Variants in SH3RF2 observed in about 807,000 individuals in gnomAD.
SH3RF2 encodes the protein SH3 domain containing ring finger 2.
A neutral mutation model predicts 59.0 loss-of-function variants in SH3RF2; 43 were observed. That is an observed-to-expected ratio of 0.73 (90% CI 0.57 to 0.94). SH3RF2 has a LOEUF of 0.94. Ranked by LOEUF, SH3RF2 falls within the 40% of genes least tolerant of loss-of-function variation. SH3RF2 has a pLI of 0.00. For missense variants in SH3RF2, 930 were observed against 940.1 expected (o/e 0.99, Z 0.14); for synonymous variants, 391 against 391.5 (o/e 1.00, Z 0.01).
At chr5:146,006,972 G>C (rs184416217) in intron 4 of SH3RF2, among the ~76,000 whole-genome samples, 6 of 152,130 alleles carry the variant, frequency 3.9e-5, no homozygotes, top group Admixed American at 6.5e-5. Flanking sequence ...TAAATGCCTC[G>C]TTTCAGAAGT....
At chr5:146,006,577 A>G (rs1760655644) in intron 4 of SH3RF2, among the ~76,000 whole-genome samples, 2 of 152,160 alleles carry the variant, frequency 1.3e-5, no homozygotes, top group South Asian at 4.1e-4. Flanking sequence ...GTCCTGCATG[A>G]TGAGGAAATG....
At chr5:145,995,575 C>G (rs1760117579) in intron 2 of SH3RF2, among the ~76,000 whole-genome samples, 1 of 152,156 alleles carries the variant, frequency 6.6e-6, no homozygotes, top group South Asian at 2.1e-4. Flanking sequence ...ATACCTTTTA[C>G]CTCTCATCCA....
chr5:146,054,745 C>T (rs1292276396), intron 7 of SH3RF2, among the ~76,000 whole-genome samples: 1 of 152,138 alleles, frequency 6.6e-6, no homozygotes, highest in Non-Finnish European at 1.5e-5. Flanking sequence ...CTACATATTA[C>T]TTTGTCAATC....
At chr5:146,018,610 T>C (rs1200396509) in intron 5 of SH3RF2, among the ~76,000 whole-genome samples, 1 of 152,170 alleles carries the variant, frequency 6.6e-6, no homozygotes, top group Non-Finnish European at 1.5e-5. Flanking sequence ...ATGCACGCAG[T>C]TGTCTTTTTG....
At chr5:146,034,234 AGAGT>A (rs1408363840) in intron 5 of SH3RF2, among the ~76,000 whole-genome samples, 1 of 152,222 alleles carries the variant, frequency 6.6e-6, no homozygotes, top group Non-Finnish European at 1.5e-5. Flanking sequence ...AGTGCTCTGA[AGAGT>A]GAGCTGCATT....
intron 2 of SH3RF2, chr5:145,997,189 A>T: frequency 1.3e-6 from 1 of 768,540 alleles, no homozygotes; most frequent in Non-Finnish European, 2.3e-6. Context: ...TACCATTGTC[A>T]ATGTCTCAGA....
At chr5:146,040,511 G>A (rs1035135185) in intron 5 of SH3RF2, among the ~76,000 whole-genome samples, 11 of 152,004 alleles carry the variant, frequency 7.2e-5, no homozygotes, top group Non-Finnish European at 1.2e-4. Context: ...AGAAAGGTGA[G>A]GCTGGAGAGC....
chr5:146,014,186 C>A, intron 5 of SH3RF2, 125 bp downstream of exon 5: 1 of 892,938 alleles, frequency 1.1e-6, no homozygotes, highest in Non-Finnish European at 1.7e-6. Context: ...GTAACTAATG[C>A]CATATGTATT....
intron 2 of SH3RF2, among the ~76,000 whole-genome samples, chr5:145,985,872 A>C (rs6866055): frequency 0.13 from 19,376 of 151,952 alleles, 1,392 homozygotes; most frequent in East Asian, 0.26. Flanking sequence ...GGCATGGTGG[A>C]GTGTGCCTGT....
chr5:146,000,448 G>C (rs549169260), intron 3 of SH3RF2, 121 bp downstream of exon 3: 45 of 756,176 alleles, frequency 6.0e-5, no homozygotes, highest in Non-Finnish European at 7.6e-5. Flanking sequence ...TTATATTATT[G>C]TTAATATTTT....
chr5:146,030,491 A>G (rs779706143), intron 5 of SH3RF2, among the ~76,000 whole-genome samples: 9 of 152,292 alleles, frequency 5.9e-5, no homozygotes, highest in South Asian at 2.1e-4. Flanking sequence ...TCAAAATCCA[A>G]TTGATTCCCT....
At chr5:145,944,588 G>A (rs1757943220) in intron 2 of SH3RF2, among the ~76,000 whole-genome samples, 1 of 152,096 alleles carries the variant, frequency 6.6e-6, no homozygotes, top group Non-Finnish European at 1.5e-5. Context: ...TGTAATGGGT[G>A]TGCCACACAG....
intron 7 of SH3RF2, among the ~76,000 whole-genome samples, chr5:146,054,569 C>A (rs1218291139): frequency 6.6e-6 from 1 of 152,164 alleles, no homozygotes; most frequent in Non-Finnish European, 1.5e-5. Flanking sequence ...AACAGCCGTA[C>A]TCGTTTTCAC....
At chr5:145,999,739 G>A (rs188080423) in intron 2 of SH3RF2, among the ~76,000 whole-genome samples, 12 of 152,058 alleles carry the variant, frequency 7.9e-5, no homozygotes, top group Non-Finnish European at 1.8e-4. Context: ...GGCGCCCCCC[G>A]AGACATTACA....
At chr5:145,985,684 T>A (rs747917805) in intron 2 of SH3RF2, among the ~76,000 whole-genome samples, 4 of 152,188 alleles carry the variant, frequency 2.6e-5, no homozygotes, top group Non-Finnish European at 5.9e-5. Context: ...CTGATGTATT[T>A]TAAAGATACT....
At chr5:146,024,270 C>T (rs1580876947) in intron 5 of SH3RF2, among the ~76,000 whole-genome samples, 1 of 152,196 alleles carries the variant, frequency 6.6e-6, no homozygotes, top group African/African-American at 2.4e-5. Flanking sequence ...TTTATTGCAG[C>T]CATCCAATTG....
chr5:145,985,642 A>G (rs540276090), intron 2 of SH3RF2, among the ~76,000 whole-genome samples: 3 of 152,312 alleles, frequency 2.0e-5, no homozygotes, highest in South Asian at 4.1e-4. Flanking sequence ...CATTTTGCCA[A>G]TTTGGTTTCA....
At chr5:145,984,403 A>G (rs1759622396) in intron 2 of SH3RF2, among the ~76,000 whole-genome samples, 1 of 152,236 alleles carries the variant, frequency 6.6e-6, no homozygotes, top group Non-Finnish European at 1.5e-5. Context: ...CTTTCTGAAG[A>G]TAAAGATACA....
chr5:145,990,807 C>A (rs557879381), intron 2 of SH3RF2, among the ~76,000 whole-genome samples: 1 of 152,280 alleles, frequency 6.6e-6, no homozygotes, highest in African/African-American at 2.4e-5. Flanking sequence ...GAGATCTCCA[C>A]ACAAACTTTA....
Sources: gnomAD v4.1 joint callset for allele counts (sites outside exome capture counted in the v4.1 genomes callset) on GRCh38, gnomAD v4.1.1 for gene constraint, MANE v1.5 for transcripts, NCBI Gene and HGNC (gene_info 2026-07-23, HGNC 2026-07-21) for gene names.